The following PPID variants were observed in gnomAD, a reference collection of about 807,000 sequenced individuals.
PPID encodes the protein peptidylprolyl isomerase D, also known as peptidyl-prolyl cis-trans isomerase D.
Under a neutral mutation model 48.1 loss-of-function variants are expected in PPID, and 47 were observed. The observed-to-expected ratio is 0.98, with a 90% CI of 0.77 to 1.25. The LOEUF (loss-of-function observed/expected upper bound fraction) is 1.25, where lower values mean the gene tolerates loss of function less well. Ranked by LOEUF, PPID falls within the 50% of genes most tolerant of loss-of-function variation. The pLI is 0.00. For synonymous variants in PPID, 163 were observed against 148.8 expected (o/e 1.10, Z -0.69); for missense variants, 429 against 443.5 (o/e 0.97, Z 0.29).
At chr4:158,712,682 G>C (rs569968965) in intron 7 of PPID, among the ~76,000 whole-genome samples, 2 of 152,010 alleles carry the variant, frequency 1.3e-5, no homozygotes, top group African/African-American at 4.8e-5. Context: ...ACTTGAACCC[G>C]GGAGGCAGAG....
chr4:158,711,472 C>T (rs1200893284), intron 7 of PPID, among the ~76,000 whole-genome samples: 3 of 152,060 alleles, frequency 2.0e-5, no homozygotes, highest in Non-Finnish European at 4.4e-5. Flanking sequence ...GATCTGCCCG[C>T]CGCCGTGGCC....
At chr4:158,722,624 G>A (rs907108534) in intron 1 of PPID, among the ~76,000 whole-genome samples, 3 of 152,202 alleles carry the variant, frequency 2.0e-5, no homozygotes, top group Non-Finnish European at 4.4e-5. Context: ...ACTTCTGAGC[G>A]GCTATGTAAC....
chr4:158,709,925 C>T, intron 9 of PPID, 101 bp from the exon 10 acceptor site: 1 of 872,886 alleles, frequency 1.1e-6, no homozygotes, highest in South Asian at 1.6e-5. Flanking sequence ...GAAAAAACTT[C>T]TCTACAAAGT....
chr4:158,717,092 C>T lies in PPID; in HGVS notation c.442G>A (p.Val148Met). Residue 148 changes from valine (V) to methionine (M), a missense_variant, in exon 4 of 10, where the codon GTG (valine) becomes ATG (methionine). By Grantham distance (21) the Val-to-Met change is conservative. Coordinates refer to ENST00000307720, the MANE Select transcript of PPID (RefSeq NM_005038.3). ...PTPHLDGKHV[V>M]FGQVIKGIGV... ...ATTCCTTTAATTACTTGGCCAAACA[C>T]CACATGTTTCCCATCCAAATGAGGA... is the stretch of plus-strand genomic sequence containing the variant. 6.2e-7 allele frequency: 1 copy of T among 1,614,040 alleles called. No homozygotes were observed. Among genetic ancestry groups the T allele is most frequent in the Non-Finnish European group, 8.5e-7 (1 of 1,179,900 alleles).
Position 158,723,272 on chromosome 4 carries a change from G to A in PPID, c.17C>T (p.Pro6Leu), listed in dbSNP as rs144881111. The part of the protein sequence containing the change: MSHPS[P>L]QAKPSNPSNP... ...ACTGGGGTTGGAGGGCTTGGCTTGG[G>A]GGGACGGGTGCGACATCTTGACTTG... The change falls in exon 1 of 10, where the codon CCC (proline) becomes CTC (leucine). Residue 6 changes from proline (P) to leucine (L), a missense_variant. Transcript: ENST00000307720. 2 of 1,613,946 alleles carry A rather than the reference G, an allele frequency of 1.2e-6. No individual in the cohort carries two copies. The highest frequency in any genetic ancestry group is 1.3e-5 in the African/African-American group (1 of 75,044).
intron 7 of PPID, among the ~76,000 whole-genome samples, chr4:158,711,252 G>C (rs1268019190): frequency 2.6e-5 from 4 of 151,838 alleles, no homozygotes; most frequent in Non-Finnish European, 5.9e-5. Flanking sequence ...TTAAGACAAG[G>C]TCTCACTCTG....
intron 9 of PPID, 189 bp from the exon 10 acceptor site, chr4:158,710,013 G>A (rs1774757367): frequency 1.7e-6 from 1 of 573,766 alleles, no homozygotes; most frequent in African/African-American, 1.9e-5. Context: ...GATGTCAACT[G>A]AGAGAACTCA....
intron 8 of PPID, 31 bp downstream of exon 8, chr4:158,710,731 T>A: frequency 6.2e-7 from 1 of 1,610,282 alleles, no homozygotes; most frequent in East Asian, 2.2e-5. Flanking sequence ...TTGTCTATTT[T>A]AAAAAATTAA....
chr4:158,710,917 G>A, intron 7 of PPID, 69 bp from the exon 8 acceptor site: 1 of 1,350,650 alleles, frequency 7.4e-7, no homozygotes, highest in East Asian at 2.3e-5. Flanking sequence ...TCAATTCATT[G>A]CCTATCAACT....
intron 3 of PPID, among the ~76,000 whole-genome samples, chr4:158,718,180 C>G (rs776085843): frequency 5.3e-5 from 8 of 152,192 alleles, no homozygotes; most frequent in Non-Finnish European, 8.8e-5. Flanking sequence ...GTAACTAGAA[C>G]TTTATTTCCT....
chr4:158,714,325 G>A (rs1229942163), intron 6 of PPID, among the ~76,000 whole-genome samples: 2 of 152,172 alleles, frequency 1.3e-5, no homozygotes. Context: ...GTGTCTTCAG[G>A]ATGTGATATC....
chr4:158,721,145 T>C (rs1774952412), intron 2 of PPID, among the ~76,000 whole-genome samples, 198 bp downstream of exon 2: 2 of 152,220 alleles, frequency 1.3e-5, no homozygotes, highest in Admixed American at 6.5e-5. Flanking sequence ...AGTCCATTTC[T>C]CTATAGATAA....
At chr4:158,720,839 C>G (rs138868710) in intron 2 of PPID, among the ~76,000 whole-genome samples, 2 of 152,006 alleles carry the variant, frequency 1.3e-5, no homozygotes, top group African/African-American at 4.8e-5. Context: ...CTCAGCCTCC[C>G]GAGTAGCTGG....
At chr4:158,710,955 A>T in intron 7 of PPID, 107 bp from the exon 8 acceptor site, 1 of 1,022,560 alleles carries the variant, frequency 9.8e-7, no homozygotes, top group East Asian at 2.4e-5. Flanking sequence ...TGCTCTGTGA[A>T]AATGGAGCTG....
Position 158,721,465 on chromosome 4 carries a change from T to C in PPID, c.104A>G (p.Glu35Gly), listed in dbSNP as rs752223056. The C allele has an allele frequency of 1.2e-6, 2 of 1,613,928 alleles. No homozygotes were observed. The highest frequency in any genetic ancestry group is 3.3e-5 in the Admixed American group (2 of 59,990). Reference protein sequence around the residue: ...GGERVGRIVLELFADIVPKTA... With the variant: ...GGERVGRIVLGLFADIVPKTA... ...TTTGGGTACGATATCTGCAAACAAT[T>C]CTAAGACAATTCGACCAACTAAAAG... Residue 35 changes from glutamate to glycine, a missense_variant, in exon 2 of 10, where the codon GAA becomes GGA. Physicochemically the swap from Glu to Gly is moderately conservative, Grantham distance 98. Coordinates refer to ENST00000307720, the MANE Select transcript of PPID (RefSeq NM_005038.3).
chr4:158,710,003 G>A, intron 9 of PPID, 179 bp from the exon 10 acceptor site: 3 of 582,546 alleles, frequency 5.1e-6, no homozygotes, highest in East Asian at 2.9e-5. Flanking sequence ...AATTTTAGAG[G>A]ATGTCAACTG....
chr4:158,720,433 T>C (rs141029398), intron 2 of PPID, among the ~76,000 whole-genome samples: 10 of 152,320 alleles, frequency 6.6e-5, no homozygotes, highest in Non-Finnish European at 1.3e-4. Flanking sequence ...TATTTGCCTA[T>C]TTATTAAACA....
At chr4:158,712,407 T>C (rs1222885219) in intron 7 of PPID, among the ~76,000 whole-genome samples, 2 of 152,200 alleles carry the variant, frequency 1.3e-5, no homozygotes, top group Non-Finnish European at 2.9e-5. Flanking sequence ...AACTCGTCTC[T>C]GTTAGGTGCT....
At chr4:158,710,494 T>G in intron 9 of PPID, 134 bp downstream of exon 9, 2 of 895,248 alleles carry the variant, frequency 2.2e-6, no homozygotes, top group Non-Finnish European at 3.6e-6. Context: ...TATATGATAA[T>G]GCCTGGCCCA....
Sources: gnomAD v4.1 joint callset for allele counts (sites outside exome capture counted in the v4.1 genomes callset) on GRCh38, gnomAD v4.1.1 for gene constraint, MANE v1.5 for transcripts, NCBI Gene and HGNC (gene_info 2026-07-23, HGNC 2026-07-21) for gene names.